The following TMEM260 variants were observed in gnomAD, a reference collection of about 807,000 sequenced individuals.
The protein encoded by TMEM260 is transmembrane protein 260, also known as protein O-mannosyl-transferase TMEM260.
In TMEM260, 82 loss-of-function variants were observed where a neutral mutation model predicts 88.9. The ratio of observed to expected loss-of-function variants is 0.92; its 90% CI spans 0.77 to 1.11. TMEM260 has a LOEUF of 1.11. Ranked by LOEUF, TMEM260 falls within the 50% of genes least tolerant of loss-of-function variation. The pLI is 0.00. For missense variants in TMEM260, 902 were observed against 853.4 expected, an observed-to-expected ratio of 1.06 and a Z score of -0.71; for synonymous variants, 314 against 309.3, an observed-to-expected ratio of 1.02 and a Z score of -0.16.
chr14:56,652,944 C>G (rs2139670137), downstream of TMEM260, among the ~76,000 whole-genome samples: 1 of 152,300 alleles, frequency 6.6e-6, no homozygotes, highest in African/African-American at 2.4e-5. Flanking sequence ...AACTGTGGGT[C>G]ATGAAGTCAA....
intron 15 of TMEM260, among the ~76,000 whole-genome samples, chr14:56,637,149 C>G (rs1889160672): frequency 6.6e-6 from 1 of 152,178 alleles, no homozygotes; most frequent in Non-Finnish European, 1.5e-5. Flanking sequence ...GTTATGCTGG[C>G]TTTATGACTT....
intron 10 of TMEM260, among the ~76,000 whole-genome samples, chr14:56,620,743 C>G (rs1358941901): frequency 2.0e-5 from 3 of 152,186 alleles, no homozygotes; most frequent in African/African-American, 7.2e-5. Flanking sequence ...TTCTCAGCTC[C>G]ATCAAATGTA....
Position 56,647,231 on chromosome 14 carries a change from G to C in TMEM260, c.1870-12G>C. ...ATAACAATGGAATACCAACATTTCT[G>C]CTGTTTTCTAGCTTTATAAGGAGAT... On this transcript the variant is annotated splice_polypyrimidine_tract_variant and intron_variant, in intron 15 of 15. Transcript: ENST00000261556. The C allele has an allele frequency of 1.3e-6, 2 of 1,581,348 alleles. No homozygotes were observed. The highest frequency in any genetic ancestry group is 1.7e-6 in the Non-Finnish European group (2 of 1,162,866).
At chr14:56,661,372 C>A in the TMEM260 span, among the ~76,000 whole-genome samples, 1 of 152,160 alleles carries the variant, frequency 6.6e-6, no homozygotes, top group Non-Finnish European at 1.5e-5. Context: ...GGAATGCCCT[C>A]GGTGGTGGAG....
At chr14:56,618,789 A>G (rs1566555530) in intron 10 of TMEM260, 26 bp downstream of exon 10, 1 of 1,602,702 alleles carries the variant, frequency 6.2e-7, no homozygotes. Context: ...TTTTATGAAA[A>G]GTAGCTGTCA....
chr14:56,640,872 C>T (rs1024219762), intron 15 of TMEM260, among the ~76,000 whole-genome samples: 9 of 152,024 alleles, frequency 5.9e-5, no homozygotes, highest in African/African-American at 1.5e-4. Context: ...GTAGCCAATG[C>T]GATCAACTGG....
chr14:56,650,950 G>C (rs941829566), downstream of TMEM260, among the ~76,000 whole-genome samples: 1 of 152,140 alleles, frequency 6.6e-6, no homozygotes, highest in Non-Finnish European at 1.5e-5. Context: ...ATATTACTTA[G>C]AATTCTGTTC....
chr14:56,638,845 T>C (rs908358249), intron 15 of TMEM260, among the ~76,000 whole-genome samples: 14 of 152,078 alleles, frequency 9.2e-5, no homozygotes, highest in African/African-American at 3.4e-4. Context: ...AATTTGAAGG[T>C]GTCCCCAACT....
chr14:56,616,026 A>ATTT lies in TMEM260; in HGVS notation c.940_941insTTT (p.Lys314delinsIleTer). On this transcript the variant is annotated stop_gained and protein_altering_variant and splice_region_variant, in exon 8 of 16. Transcript: ENST00000261556. LOFTEE classifies it high-confidence loss of function. ...TTGTGCAAATATATGTTTAGCAACA[A>ATTT]AGTAAGTAATACAATTCCTTTTTCT... 4 of 1,601,552 alleles carry ATTT rather than the reference A, an allele frequency of 2.5e-6. No homozygotes were observed. The highest frequency in any genetic ancestry group is 2.6e-6 in the Non-Finnish European group (3 of 1,169,022).
chr14:56,622,910 A>T (rs1888022477), intron 11 of TMEM260, among the ~76,000 whole-genome samples: 1 of 152,204 alleles, frequency 6.6e-6, no homozygotes, highest in African/African-American at 2.4e-5. Flanking sequence ...GATTAATTTG[A>T]ACTTCAGTCT....
At chr14:56,583,017 G>C (rs1885240160) in intron 1 of TMEM260, among the ~76,000 whole-genome samples, 1 of 152,126 alleles carries the variant, frequency 6.6e-6, no homozygotes, top group Non-Finnish European at 1.5e-5. Context: ...GAGAAAAACA[G>C]CCTATTTTTC....
At chr14:56,643,871 CAG>C (rs1438643107) in intron 15 of TMEM260, among the ~76,000 whole-genome samples, 3 of 152,138 alleles carry the variant, frequency 2.0e-5, no homozygotes, top group Non-Finnish European at 4.4e-5. Flanking sequence ...CAGTAACAGA[CAG>C]AGAGGCAAAT....
At chr14:56,642,385 G>C (rs1889663573) in intron 15 of TMEM260, among the ~76,000 whole-genome samples, 1 of 152,138 alleles carries the variant, frequency 6.6e-6, no homozygotes, top group Non-Finnish European at 1.5e-5. Flanking sequence ...CATGGAAACT[G>C]AACAACCTGC....
At chr14:56,589,383 A>G (rs1489767237) in intron 3 of TMEM260, among the ~76,000 whole-genome samples, 1 of 152,126 alleles carries the variant, frequency 6.6e-6, no homozygotes, top group African/African-American at 2.4e-5. Flanking sequence ...TTTGTTGAAG[A>G]CTCATGTGAA....
intron 1 of TMEM260, 148 bp downstream of exon 1, chr14:56,580,222 TC>T (rs1406539038): frequency 4.9e-6 from 3 of 611,538 alleles, no homozygotes; most frequent in Admixed American, 8.7e-5. Context: ...TATTGTGTGT[TC>T]CAGAGCCCAC....
At chr14:56,640,581 G>C (rs1410684130) in intron 15 of TMEM260, among the ~76,000 whole-genome samples, 1 of 152,050 alleles carries the variant, frequency 6.6e-6, no homozygotes, top group Non-Finnish European at 1.5e-5. Flanking sequence ...CTAAAAATCA[G>C]AGCACCTCTC....
At chr14:56,638,643 G>T (rs1258729968) in intron 15 of TMEM260, among the ~76,000 whole-genome samples, 1 of 151,970 alleles carries the variant, frequency 6.6e-6, no homozygotes, top group Non-Finnish European at 1.5e-5. Context: ...AGACAAATGA[G>T]GCCAATTACT....
chr14:56,580,828 C>A (rs1885081150), intron 1 of TMEM260, among the ~76,000 whole-genome samples: 1 of 152,164 alleles, frequency 6.6e-6, no homozygotes, highest in African/African-American at 2.4e-5. Context: ...CATATCATGG[C>A]CAGTAATTTT....
At chr14:56,643,304 A>T (rs973459270) in intron 15 of TMEM260, among the ~76,000 whole-genome samples, 1 of 152,230 alleles carries the variant, frequency 6.6e-6, no homozygotes, top group African/African-American at 2.4e-5. Context: ...CACAAAGCTT[A>T]TCCACCATGA....
Sources: allele counts gnomAD v4.1 joint callset (sites outside exome capture counted in the v4.1 genomes callset), GRCh38; gene constraint gnomAD v4.1.1; transcripts MANE v1.5; gene names NCBI Gene and HGNC (gene_info 2026-07-23, HGNC 2026-07-21).